The following VPS13C variants were observed in gnomAD, a reference collection of about 807,000 sequenced individuals.
The protein encoded by VPS13C is vacuolar protein sorting 13 homolog C.
VPS13C carries 358 observed loss-of-function variants against 456.8 expected under a neutral mutation model. The observed-to-expected ratio is 0.78, with a 90% CI of 0.72 to 0.86. VPS13C has a LOEUF of 0.86. Among genes scored for constraint, VPS13C ranks in the 40% least tolerant of loss-of-function variants. The probability of loss-of-function intolerance (pLI) is 0.00; values close to 1 mark genes in which losing one functional copy is unlikely to be tolerated. For missense variants in VPS13C, 4,818 were observed against 4,385.4 expected, an observed-to-expected ratio of 1.10 and a Z score of -2.79; for synonymous variants, 1,578 against 1,486.7, an observed-to-expected ratio of 1.06 and a Z score of -1.41.
At chr15:61,876,668 T>C (rs552183517) in intron 75 of VPS13C, among the ~76,000 whole-genome samples, 1 of 151,962 alleles carries the variant, frequency 6.6e-6, no homozygotes, top group Non-Finnish European at 1.5e-5. Flanking sequence ...TTCACTAGAT[T>C]ATATTCAGAA....
chr15:62,033,487 T>C lies in VPS13C; in HGVS notation c.339A>G (p.Lys113=), dbSNP rs779009340. Residue 113 remains lysine (K), a synonymous_variant, in exon 5 of 85, where the codon AAA becomes AAG. Coordinates refer to ENST00000644861, the MANE Select transcript of VPS13C (RefSeq NM_020821.3). Reference sequence around the variant, plus strand: ...GGGCTTCTTCAATTCGGGATAGCTCTTTCTGTTTAACATCCTGCAAGGATT... The same window carrying C: ...GGGCTTCTTCAATTCGGGATAGCTCCTTCTGTTTAACATCCTGCAAGGATT... ...EEKSLQDVKQ[K]ELSRIEEALQ... The C allele has an allele frequency of 9.9e-6, 16 of 1,608,056 alleles. No homozygotes were observed. In the African/African-American group the frequency reaches 2.0e-4, roughly 20 times the overall value.
At chr15:62,041,124 CTACCTTTTGTCATAAAAA>C (rs904459605) in intron 3 of VPS13C, among the ~76,000 whole-genome samples, 182 bp downstream of exon 3, 3 of 152,058 alleles carry the variant, frequency 2.0e-5, no homozygotes, top group Non-Finnish European at 4.4e-5. Flanking sequence ...CTTCCATTTT[CTACCTTTTGTCATAAAAA>C]AAAGAAGTAT....
intron 15 of VPS13C, among the ~76,000 whole-genome samples, chr15:62,004,421 A>G (rs573062357): frequency 1.3e-5 from 2 of 151,130 alleles, no homozygotes; most frequent in Non-Finnish European, 2.9e-5. Flanking sequence ...TTTCTTCTTT[A>G]TTAGTCTTGC....
chr15:62,008,406 A>G (rs912585485), intron 14 of VPS13C, among the ~76,000 whole-genome samples: 1 of 152,088 alleles, frequency 6.6e-6, no homozygotes, highest in Non-Finnish European at 1.5e-5. Flanking sequence ...CTCAAAAAAA[A>G]AAAGAATTTG....
At position 62,023,460 on chromosome 15, in the gene VPS13C, T is replaced by C. The variant is rs1249291259; in HGVS notation, c.575A>G (p.Lys192Arg). The C allele has an allele frequency of 2.5e-6, 4 of 1,584,960 alleles. No homozygotes were observed. The African/African-American group carries it at 5.4e-5, about 22-fold the overall frequency. The change falls in exon 8 of 85, where the codon AAA becomes AGA. Residue 192 changes from lysine (K) to arginine (R), a missense_variant. Transcript: ENST00000644861. ...ATCTGTGATTTTTACTTGTACATTT[T>C]TTATTACTTGAGTTGCCAATTTTTC... Reference protein sequence around the residue: ...FVEKLATQVIKNVQVKITDIH... With the variant: ...FVEKLATQVIRNVQVKITDIH...
chr15:61,908,032 T>C (rs139486443), intron 65 of VPS13C, among the ~76,000 whole-genome samples: 81 of 152,292 alleles, frequency 5.3e-4, no homozygotes, highest in African/African-American at 1.9e-3. Context: ...AGAATAAGTA[T>C]TACCTGGGGT....
At chr15:61,855,575 G>A (rs114079447) in intron 83 of VPS13C, among the ~76,000 whole-genome samples, 2,819 of 152,098 alleles carry the variant, frequency 0.019, 51 homozygotes, top group East Asian at 0.069. Context: ...CACATCTATA[G>A]CTATTAAATT....
chr15:61,925,032 T>C (rs1567010587), intron 53 of VPS13C, among the ~76,000 whole-genome samples: 1 of 152,206 alleles, frequency 6.6e-6, no homozygotes, highest in Non-Finnish European at 1.5e-5. Context: ...TATAAATATT[T>C]GAAGCCAAAT....
chr15:61,861,425 CA>C (rs1426538256), intron 82 of VPS13C, among the ~76,000 whole-genome samples: 1 of 152,110 alleles, frequency 6.6e-6, no homozygotes, highest in Admixed American at 6.6e-5. Context: ...AGGGCAAAAA[CA>C]AAAGGTTGAG....
At chr15:61,968,208 T>A (rs182076071) in intron 28 of VPS13C, among the ~76,000 whole-genome samples, 3 of 152,032 alleles carry the variant, frequency 2.0e-5, no homozygotes, top group African/African-American at 7.2e-5. Context: ...TAGGTCTTTA[T>A]ACAGTCAGTG....
chr15:62,046,479 GAAGTC>G (rs1567146604), intron 1 of VPS13C, among the ~76,000 whole-genome samples: 2 of 152,158 alleles, frequency 1.3e-5, no homozygotes, highest in Non-Finnish European at 2.9e-5. Context: ...TTACAATTGG[GAAGTC>G]TATTCTAGCC....
chr15:62,039,326 C>T (rs2048165038), intron 3 of VPS13C, among the ~76,000 whole-genome samples: 1 of 151,996 alleles, frequency 6.6e-6, no homozygotes, highest in African/African-American at 2.4e-5. Flanking sequence ...AGTAAATCAA[C>T]TCAAAGGTGG....
Position 61,993,354 on chromosome 15 carries a change from TA to T in VPS13C, c.1354-1553del, listed in dbSNP as rs142089247. Among the ~76,000 whole-genome samples, 54 of 152,116 alleles carry T rather than the reference TA, an allele frequency of 3.5e-4. 2 individuals carry two copies. The East Asian group carries it at 4.6e-3, about 13-fold the overall frequency. Reference sequence around the variant, plus strand: ...TTATTCTTTATAAAAATAGATAATATATTTTTTTACACTTTGGGGTAAAGAA... The same window carrying T: ...TTATTCTTTATAAAAATAGATAATATTTTTTTTACACTTTGGGGTAAAGAA... On this transcript the variant is annotated intron_variant, in intron 16 of 84. Coordinates refer to ENST00000644861, the MANE Select transcript of VPS13C (RefSeq NM_020821.3).
At chr15:61,928,640 G>A (rs999568548) in intron 51 of VPS13C, among the ~76,000 whole-genome samples, 2 of 152,172 alleles carry the variant, frequency 1.3e-5, no homozygotes, top group Admixed American at 1.3e-4. Context: ...AGCACTTGGG[G>A]AGGCAGAGGC....
intron 66 of VPS13C, among the ~76,000 whole-genome samples, chr15:61,905,829 A>C (rs767095944): frequency 3.3e-5 from 5 of 152,172 alleles, no homozygotes; most frequent in Non-Finnish European, 7.4e-5. Flanking sequence ...GGATATAAAT[A>C]TATAGTATGC....
intron 35 of VPS13C, among the ~76,000 whole-genome samples, 173 bp downstream of exon 35, chr15:61,961,394 AACACACACACACACACACACAC>A (rs66786972): frequency 3.6e-4 from 48 of 132,700 alleles, no homozygotes; most frequent in African/African-American, 1.3e-3. Context: ...TCCAACTCAA[AACACACACACACACACACACAC>A]ACACACACAC....
rs1013574123 is a variant in VPS13C, at chr15:61,867,110, G to A, written c.10863+1549C>T. ...CTAAGGATTTAAAAGCAAAAGGTTG[G>A]TTTTTGAAAATAAAGAAATCTATGT... On this transcript the variant is annotated intron_variant, in intron 81 of 84. Transcript: ENST00000644861. This position sits in a 1 kb window ranked among gnomAD's most constrained non-coding sequence, Gnocchi z 5.0. 19 of 974,866 alleles carry A rather than the reference G, an allele frequency of 1.9e-5. No individual in the cohort carries two copies. Among genetic ancestry groups the A allele is most frequent in the Non-Finnish European group, 2.3e-5 (19 of 820,514 alleles). The allele number at this position is 974,866 out of a possible 1,614,324, so 60.4% of individuals were successfully genotyped here.
rs1437050824 is a variant in VPS13C, at chr15:61,858,606, A to G, written c.10953-2197T>C. On this transcript the variant is annotated intron_variant, in intron 82 of 84. Transcript: ENST00000644861. This position sits in a 1 kb window ranked among gnomAD's most constrained non-coding sequence, Gnocchi z 4.4. ...GAATATAATGGATTTTACTTCCAAGATTAGGTTATTATAAGGCACAGGTGA... is the reference window on the plus strand; with the variant it reads ...GAATATAATGGATTTTACTTCCAAGGTTAGGTTATTATAAGGCACAGGTGA... 1.3e-5 allele frequency among the ~76,000 whole-genome samples: 2 copies of G among 152,144 alleles called. No homozygotes were observed. Among genetic ancestry groups the G allele is most frequent in the Non-Finnish European group, 2.9e-5 (2 of 68,018 alleles).
chr15:61,974,565 T>A (rs1344908625), intron 24 of VPS13C, 148 bp from the exon 25 acceptor site: 2 of 783,100 alleles, frequency 2.6e-6, no homozygotes, highest in African/African-American at 3.6e-5. Context: ...GACAACATTG[T>A]CAGGAAATGG....
Sources: allele counts gnomAD v4.1 joint callset (sites outside exome capture counted in the v4.1 genomes callset), GRCh38; gene constraint gnomAD v4.1.1; non-coding constraint Gnocchi (gnomAD v3.1); transcripts MANE v1.5; gene names NCBI Gene and HGNC (gene_info 2026-07-23, HGNC 2026-07-21).